Variants in MLLT3 observed in about 807,000 individuals in gnomAD.
MLLT3 encodes the protein protein AF-9.
Under a neutral mutation model 53.2 loss-of-function variants are expected in MLLT3, and 4 were observed. The ratio of observed to expected loss-of-function variants is 0.08; its 90% CI spans 0.04 to 0.17. MLLT3 has a LOEUF of 0.17. Among genes scored for constraint, MLLT3 ranks in the 10% least tolerant of loss-of-function variants. The pLI is 1.00. For missense variants in MLLT3, 569 were observed against 684.0 expected (o/e 0.83, Z 1.87); for synonymous variants, 283 against 230.6 (o/e 1.23, Z -2.06).
chr9:20,349,631 C>T (rs1416033257), intron 10 of MLLT3, among the ~76,000 whole-genome samples: 2 of 151,832 alleles, frequency 1.3e-5, no homozygotes, highest in Middle Eastern at 3.2e-3. Flanking sequence ...GAAAACTGGG[C>T]AATAAAAAAA....
chr9:20,413,769 C>T lies in MLLT3; in HGVS notation c.1077G>A (p.Val359=), dbSNP rs979391116. The T allele has an allele frequency of 6.2e-7, 1 of 1,612,998 alleles. No individual in the cohort carries two copies. The highest frequency in any genetic ancestry group is 1.3e-5 in the African/African-American group (1 of 74,868). ...KSTLPPFDDI[V]DPNDSDVEEN... is the part of the protein sequence containing the mutation. ...CCTCCACATCTGAATCATTGGGATC[C>T]ACAATATCATCAAATGGCGGTAACG... Residue 359 remains valine (V), a synonymous_variant, in exon 5 of 11, where the codon GTG becomes GTA. Coordinates refer to ENST00000380338, the MANE Select transcript of MLLT3 (RefSeq NM_004529.4).
At chr9:20,584,909 A>G (rs748991087) in intron 2 of MLLT3, among the ~76,000 whole-genome samples, 1 of 152,194 alleles carries the variant, frequency 6.6e-6, no homozygotes, top group South Asian at 2.1e-4. Context: ...CCATTTACCT[A>G]TTGAAGGACA....
intron 4 of MLLT3, among the ~76,000 whole-genome samples, chr9:20,422,506 A>G (rs1236945171): frequency 6.6e-6 from 1 of 152,242 alleles, no homozygotes; most frequent in East Asian, 1.9e-4. Flanking sequence ...AATACAAATA[A>G]GTCTGGATTT....
intron 2 of MLLT3, among the ~76,000 whole-genome samples, chr9:20,553,826 C>G (rs1051454806): frequency 6.6e-6 from 1 of 151,660 alleles, no homozygotes; most frequent in Non-Finnish European, 1.5e-5. Context: ...AAAAAATAAA[C>G]AGCTTTTTTT....
At chr9:20,609,341 T>C (rs866037520) in intron 2 of MLLT3, among the ~76,000 whole-genome samples, 1 of 152,090 alleles carries the variant, frequency 6.6e-6, no homozygotes, top group Non-Finnish European at 1.5e-5. Context: ...TTTATTCTTA[T>C]ATGTATGTAT....
chr9:20,429,448 A>G (rs1449600566), intron 4 of MLLT3, among the ~76,000 whole-genome samples: 1 of 152,214 alleles, frequency 6.6e-6, no homozygotes, highest in Non-Finnish European at 1.5e-5. Flanking sequence ...AAATCCTACC[A>G]AGAAGAGTAA....
At position 20,622,467 on chromosome 9, in the gene MLLT3, A is replaced by C; in HGVS notation, c.-211T>G. Reference sequence around the variant, plus strand: ...CAGCCCCAAAAGCAAAAGCAGCAGCAGCAGCAGCAGCTCCAGGGTAAAGAA... The same window carrying C: ...CAGCCCCAAAAGCAAAAGCAGCAGCCGCAGCAGCAGCTCCAGGGTAAAGAA... On this transcript the variant is annotated 5_prime_UTR_variant, in exon 1 of 11. Transcript: ENST00000380338. The C allele has an allele frequency of 3.7e-6, 2 of 540,268 alleles. No individual in the cohort carries two copies. The highest frequency in any genetic ancestry group is 4.5e-4 in the Middle Eastern group (1 of 2,238). The allele number at this position is 540,268 out of a possible 1,614,324, so 33.5% of individuals were successfully genotyped here. A position where few individuals can be genotyped will look rare whatever the true frequency, so the allele number is the denominator to read the frequency against.
intron 2 of MLLT3, among the ~76,000 whole-genome samples, chr9:20,486,486 C>A (rs2118914281): frequency 6.6e-6 from 1 of 152,262 alleles, no homozygotes; most frequent in Non-Finnish European, 1.5e-5. Context: ...ACAATTCCAA[C>A]AAACATCCTA....
chr9:20,461,903 A>C (rs918463176), intron 2 of MLLT3, among the ~76,000 whole-genome samples: 4 of 152,234 alleles, frequency 2.6e-5, no homozygotes, highest in Non-Finnish European at 4.4e-5. Context: ...AACTCTCTCT[A>C]TATATAGACT....
At chr9:20,618,769 T>G (rs541542982) in intron 2 of MLLT3, among the ~76,000 whole-genome samples, 1 of 152,072 alleles carries the variant, frequency 6.6e-6, no homozygotes, top group African/African-American at 2.4e-5. Flanking sequence ...TCATTAAGTA[T>G]AGGAAATAAA....
intron 3 of MLLT3, among the ~76,000 whole-genome samples, chr9:20,454,146 T>C (rs1326322963): frequency 6.6e-6 from 1 of 152,150 alleles, no homozygotes; most frequent in Non-Finnish European, 1.5e-5. Flanking sequence ...ACAAAATGAA[T>C]ATATGTTTTA....
chr9:20,395,898 G>A (rs1009750511), intron 5 of MLLT3, among the ~76,000 whole-genome samples: 45 of 152,160 alleles, frequency 3.0e-4, no homozygotes, highest in African/African-American at 1.1e-3. Context: ...AGGTAAACAG[G>A]ATGAAGGAAA....
At chr9:20,489,949 A>T (rs774699186) in intron 2 of MLLT3, among the ~76,000 whole-genome samples, 63 of 152,194 alleles carry the variant, frequency 4.1e-4, no homozygotes, top group Non-Finnish European at 6.0e-4. Flanking sequence ...AATTACATTC[A>T]AGCTAACAAC....
At chr9:20,562,970 G>A (rs1047649126) in intron 2 of MLLT3, among the ~76,000 whole-genome samples, 3 of 152,008 alleles carry the variant, frequency 2.0e-5, no homozygotes, top group Non-Finnish European at 2.9e-5. Flanking sequence ...ACACCTTCTA[G>A]GAACACCTAC....
At chr9:20,395,370 C>T (rs1314839901) in intron 5 of MLLT3, among the ~76,000 whole-genome samples, 1 of 152,104 alleles carries the variant, frequency 6.6e-6, no homozygotes, top group African/African-American at 2.4e-5. Context: ...GATTTTTTAG[C>T]TAATAAGGGC....
intron 2 of MLLT3, among the ~76,000 whole-genome samples, chr9:20,571,777 C>T (rs1300876825): frequency 1.3e-5 from 2 of 152,140 alleles, no homozygotes; most frequent in Non-Finnish European, 2.9e-5. Flanking sequence ...GAAAAAAATG[C>T]TCAACATCAC....
chr9:20,591,354 C>G (rs1820125415), intron 2 of MLLT3, among the ~76,000 whole-genome samples: 1 of 152,088 alleles, frequency 6.6e-6, no homozygotes, highest in African/African-American at 2.4e-5. Flanking sequence ...GTCAATAGGT[C>G]TCAGATAGTG....
intron 2 of MLLT3, among the ~76,000 whole-genome samples, chr9:20,485,609 G>C (rs1309485999): frequency 6.6e-6 from 1 of 152,110 alleles, no homozygotes; most frequent in African/African-American, 2.4e-5. Context: ...ATATAATGCA[G>C]ACACTAAGCC....
chr9:20,450,344 T>C (rs1823808541), intron 3 of MLLT3, among the ~76,000 whole-genome samples: 1 of 152,206 alleles, frequency 6.6e-6, no homozygotes, highest in South Asian at 2.1e-4. Context: ...CTTCCCACAG[T>C]GACCAGAGAG....
Sources: allele counts gnomAD v4.1 joint callset (sites outside exome capture counted in the v4.1 genomes callset), GRCh38; gene constraint gnomAD v4.1.1; transcripts MANE v1.5; gene names NCBI Gene and HGNC (gene_info 2026-07-23, HGNC 2026-07-21).